SBNO1: variants seen among roughly 807,000 people sequenced by gnomAD.
The protein encoded by SBNO1 is strawberry notch homolog 1, also known as protein strawberry notch homolog 1.
Under a neutral mutation model 173.6 loss-of-function variants are expected in SBNO1, and 23 were observed. The observed-to-expected ratio is 0.13, with a 90% CI of 0.10 to 0.19. SBNO1 has a LOEUF of 0.19. Ranked by LOEUF, SBNO1 falls within the 10% of genes least tolerant of loss-of-function variation. The probability of loss-of-function intolerance (pLI) is 1.00; values close to 1 mark genes in which losing one functional copy is unlikely to be tolerated. For synonymous variants in SBNO1, 632 were observed against 571.5 expected (o/e 1.11, Z -1.51); for missense variants, 1,238 against 1,671.2 (o/e 0.74, Z 4.52).
intron 28 of SBNO1, among the ~76,000 whole-genome samples, chr12:123,307,827 T>C (rs2048956840): frequency 6.6e-6 from 1 of 152,128 alleles, no homozygotes; most frequent in African/African-American, 2.4e-5. Context: ...ATCCCAGCAC[T>C]TTGGGAGGCC....
intron 1 of SBNO1, among the ~76,000 whole-genome samples, chr12:123,360,386 C>T (rs753112854): frequency 6.6e-6 from 1 of 152,126 alleles, no homozygotes; most frequent in Non-Finnish European, 1.5e-5. Context: ...AGTCACAAAT[C>T]GAAGCTCAAT....
intron 15 of SBNO1, among the ~76,000 whole-genome samples, chr12:123,325,189 T>C (rs1870482325): frequency 6.6e-6 from 1 of 152,186 alleles, no homozygotes; most frequent in Non-Finnish European, 1.5e-5. Flanking sequence ...TCAAATACAG[T>C]ACACTAAAAC....
rs1051270537 is a variant in SBNO1 at position 123,291,325 on chromosome 12, C to A, written c.*4583G>T. The A allele has an allele frequency of 1.3e-5, 2 of 152,152 alleles. No individual in the cohort carries two copies. The highest frequency in any genetic ancestry group is 4.8e-5 in the African/African-American group (2 of 41,434). 9.4% of individuals were successfully genotyped at this position (152,152 alleles called of 1,614,324 possible). ...AAATATGGTAAGGCCTGAAAAATTG[C>A]AAAAGTAGAAGCAAGTCAGGTTTGC... is the stretch of plus-strand genomic sequence containing the variant. On this transcript the variant is annotated 3_prime_UTR_variant, in exon 32 of 32. Coordinates refer to ENST00000602398, the MANE Select transcript of SBNO1 (RefSeq NM_001167856.3).
chr12:123,329,098 G>A (rs1423796981), intron 9 of SBNO1, among the ~76,000 whole-genome samples: 1 of 152,116 alleles, frequency 6.6e-6, no homozygotes, highest in Non-Finnish European at 1.5e-5. Context: ...TCCAGTTTTT[G>A]GTAGGACACA....
intron 30 of SBNO1, among the ~76,000 whole-genome samples, chr12:123,298,467 A>G (rs2048677096): frequency 6.6e-6 from 1 of 152,180 alleles, no homozygotes. Flanking sequence ...CATGTTGGGC[A>G]GGCTGGTCTT....
At chr12:123,325,389 T>C in intron 15 of SBNO1, 113 bp downstream of exon 15, 1 of 700,714 alleles carries the variant, frequency 1.4e-6, no homozygotes, top group Non-Finnish European at 2.5e-6. Flanking sequence ...CAAGAAAACT[T>C]AAAGATGATG....
chr12:123,363,412 T>A (rs1167132311), intron 1 of SBNO1, among the ~76,000 whole-genome samples: 2 of 152,150 alleles, frequency 1.3e-5, no homozygotes, highest in Non-Finnish European at 2.9e-5. Context: ...TCTGAAAGTG[T>A]TAAGTCAATT....
chr12:123,301,788 A>G (rs1204206231), intron 30 of SBNO1, among the ~76,000 whole-genome samples: 2 of 152,164 alleles, frequency 1.3e-5, no homozygotes, highest in Admixed American at 6.6e-5. Context: ...CCAGCTACTC[A>G]GGAGGCTGAG....
intron 7 of SBNO1, among the ~76,000 whole-genome samples, chr12:123,332,474 T>C (rs968106792): frequency 6.6e-6 from 1 of 151,908 alleles, no homozygotes; most frequent in Non-Finnish European, 1.5e-5. Flanking sequence ...GTATTTTTAG[T>C]AGAGACAGGG....
chr12:123,331,339 C>G lies in SBNO1; in HGVS notation c.946G>C (p.Gly316Arg), dbSNP rs758123742. The G allele has an allele frequency of 6.2e-7, 1 of 1,613,914 alleles. No individual in the cohort carries two copies. ...CCGGCACCATCACCTATTAAGAAGC[C>G]AGCACGATCTCCATTAGGTAGGAAA... ...ETFLPNGDRA[G>R]FLIGDGAGVG... is the part of the protein sequence containing the mutation. Residue 316 changes from glycine (G) to arginine (R), a missense_variant, in exon 8 of 32, where the codon GGC becomes CGC. Physicochemically the swap from Gly to Arg is moderately radical, Grantham distance 125. Around this residue, in one of 14 missense-constraint regions of SBNO1, gnomAD observed 78 missense variants for 103.3 expected, o/e 0.76. Transcript: ENST00000602398.
intron 31 of SBNO1, among the ~76,000 whole-genome samples, 170 bp downstream of exon 31, chr12:123,297,808 T>C (rs1272842272): frequency 1.3e-5 from 2 of 152,138 alleles, no homozygotes; most frequent in South Asian, 4.1e-4. Context: ...CAATGTCTGT[T>C]TGAAGGCTTA....
At chr12:123,340,549 CCAG>C (rs1355497131) in intron 5 of SBNO1, among the ~76,000 whole-genome samples, 1 of 142,262 alleles carries the variant, frequency 7.0e-6, no homozygotes, top group African/African-American at 2.7e-5. Context: ...CCACTGCACT[CCAG>C]CCTGGGCGAT....
At chr12:123,331,971 C>G (rs1488646054) in intron 7 of SBNO1, among the ~76,000 whole-genome samples, 1 of 151,904 alleles carries the variant, frequency 6.6e-6, no homozygotes, top group African/African-American at 2.4e-5. Context: ...CCTGCTTCAG[C>G]CTCCCGAGTA....
At chr12:123,299,681 C>CAAAAAAAAAAAAAAAAAAAAAAA (rs538218167) in intron 30 of SBNO1, among the ~76,000 whole-genome samples, 4 of 93,894 alleles carry the variant, frequency 4.3e-5, no homozygotes, top group Non-Finnish European at 5.7e-5. Flanking sequence ...ACTCTGTCTT[C>CAAAAAAAAAAAAAAAAAAAAAAA]AAAAAAAAAA....
chr12:123,351,930 C>A (rs970390114), intron 1 of SBNO1, among the ~76,000 whole-genome samples: 1 of 152,040 alleles, frequency 6.6e-6, no homozygotes, highest in Non-Finnish European at 1.5e-5. Context: ...AAAATAAACA[C>A]CGAGCCCAGA....
rs1341591385 is a variant in SBNO1 at position 123,295,383 on chromosome 12, C to T, written c.*525G>A. 1 of 152,168 alleles carries T rather than the reference C, an allele frequency of 6.6e-6. No homozygotes were observed. The highest frequency in any genetic ancestry group is 2.4e-5 in the African/African-American group (1 of 41,428). The allele number at this position is 152,168 out of a possible 1,614,324, so 9.4% of individuals were successfully genotyped here. On this transcript the variant is annotated 3_prime_UTR_variant, in exon 32 of 32. Coordinates refer to ENST00000602398, the MANE Select transcript of SBNO1 (RefSeq NM_001167856.3). ...CAAAAATTAGAAAATAACCTGAATG[C>T]ATGATATGCAACCTTTCATTTCATG...
intron 1 of SBNO1, among the ~76,000 whole-genome samples, chr12:123,355,262 G>A (rs577631526): frequency 3.3e-5 from 5 of 152,116 alleles, no homozygotes; most frequent in South Asian, 2.1e-4. Context: ...CTCGTGATCC[G>A]CCCGCCTGGG....
At chr12:123,316,202 CGAGATAA>C (rs1869237883) in intron 21 of SBNO1, among the ~76,000 whole-genome samples, 1 of 151,982 alleles carries the variant, frequency 6.6e-6, no homozygotes, top group South Asian at 2.1e-4. Context: ...TCTGAGATTT[CGAGATAA>C]GATATAAGAC....
At chr12:123,300,644 C>A (rs1277040061) in intron 30 of SBNO1, among the ~76,000 whole-genome samples, 2 of 151,142 alleles carry the variant, frequency 1.3e-5, no homozygotes, top group East Asian at 1.9e-4. Flanking sequence ...GGTGACAGAG[C>A]GAGACTCCAT....
Sources: allele counts gnomAD v4.1 joint callset (sites outside exome capture counted in the v4.1 genomes callset), GRCh38; gene constraint gnomAD v4.1.1; regional missense constraint gnomAD v4.1.1; transcripts MANE v1.5; gene names NCBI Gene and HGNC (gene_info 2026-07-23, HGNC 2026-07-21).